Variants in KRT73 observed in about 807,000 individuals in gnomAD.
KRT73 encodes keratin 73, also known as keratin, type II cytoskeletal 73.
KRT73 carries 44 observed loss-of-function variants against 47.2 expected under a neutral mutation model. The observed-to-expected ratio is 0.93, with a 90% confidence interval of 0.73 to 1.20. The LOEUF (loss-of-function observed/expected upper bound fraction) is 1.20, where lower values mean the gene tolerates loss of function less well. Among genes scored for constraint, KRT73 ranks in the 50% most tolerant of loss-of-function variants. The pLI is 0.00. For missense variants in KRT73, 713 were observed against 704.5 expected, an observed-to-expected ratio of 1.01 and a Z score of -0.14; for synonymous variants, 285 against 291.3, an observed-to-expected ratio of 0.98 and a Z score of 0.22.
At chr12:52,624,676 G>T in the KRT73 span, among the ~76,000 whole-genome samples, 2 of 152,080 alleles carry the variant, frequency 1.3e-5, no homozygotes, top group East Asian at 3.8e-4. Context: ...TGAAGAGGAA[G>T]TCTCAAAAGA....
chr12:52,618,368 C>CT lies in KRT73; in HGVS notation c.156_157insA (p.Gly53ArgfsTer72). 6.2e-7 allele frequency: 1 copy of CT among 1,614,214 alleles called. No individual in the cohort carries two copies. The highest frequency in any genetic ancestry group is 8.5e-7 in the Non-Finnish European group (1 of 1,180,050). ...ACATTGAAAGAGATGCTCCGGGCAC[C>CT]CCCCAGGCTGTAAAGGCTCCGACTG... On this transcript the variant is annotated frameshift_variant, in exon 1 of 9. Transcript: ENST00000305748. LOFTEE classifies it high-confidence loss of function.
intron 2 of KRT73, among the ~76,000 whole-genome samples, chr12:52,615,835 A>G (rs141691998): frequency 9.9e-5 from 15 of 152,140 alleles, no homozygotes; most frequent in African/African-American, 3.4e-4. Flanking sequence ...TGTGGCAGAG[A>G]GCAGCGGGTG....
chr12:52,630,518 T>C, the KRT73 span, among the ~76,000 whole-genome samples: 1 of 152,284 alleles, frequency 6.6e-6, no homozygotes, highest in Admixed American at 6.5e-5. Context: ...AGTGAGTGGA[T>C]CACGAGAGAC....
At chr12:52,619,877 T>A (rs637276), upstream of KRT73, among the ~76,000 whole-genome samples, 10,405 of 152,162 alleles carry the variant, frequency 0.068, 816 homozygotes, top group Admixed American at 0.16. Context: ...AGTACTTGAA[T>A]GAACAGTTGG....
chr12:52,616,407 G>C, intron 1 of KRT73, 27 bp from the exon 2 acceptor site: 1 of 1,612,798 alleles, frequency 6.2e-7, no homozygotes, highest in Non-Finnish European at 8.5e-7. Flanking sequence ...ACATACTTAA[G>C]CAATGTGGAG....
At chr12:52,610,553 A>ACCCCCCCCCCCCC in intron 7 of KRT73, 62 bp downstream of exon 7, 1 of 181,982 alleles carries the variant, frequency 5.5e-6, no homozygotes, top group South Asian at 3.9e-5. Context: ...GCCCCCAACC[A>ACCCCCCCCCCCCC]CACTCTGGGA....
intron 7 of KRT73, 107 bp downstream of exon 7, chr12:52,610,508 T>A: frequency 9.6e-7 from 1 of 1,039,434 alleles, no homozygotes; most frequent in South Asian, 1.4e-5. Context: ...GTGGGTGAAG[T>A]AAACACATCG....
At chr12:52,625,177 C>T in the KRT73 span, among the ~76,000 whole-genome samples, 1 of 152,062 alleles carries the variant, frequency 6.6e-6, no homozygotes, top group Non-Finnish European at 1.5e-5. Context: ...CTTTGTACTG[C>T]AAAAGACCTT....
At position 52,614,591 on chromosome 12, in the gene KRT73, A is replaced by T; in HGVS notation, c.807T>A (p.Cys269Ter). 1 of 1,613,830 alleles carries T rather than the reference A, an allele frequency of 6.2e-7. No individual in the cohort carries two copies. Among genetic ancestry groups the T allele is most frequent in the South Asian group, 1.1e-5 (1 of 91,048 alleles). ...GGGGGAGCCTTACCCCCTCGTACAGACACTTGAAGAACTTGATTTCTCCAT... is the reference window on the plus strand; with the variant it reads ...GGGGGAGCCTTACCCCCTCGTACAGTCACTTGAAGAACTTGATTTCTCCAT... The part of the protein sequence containing the change: ...ALDGEIKFFK[C>*]LYEGETAQIQ... Residue 269 changes from cysteine to a stop codon, truncating the protein, a stop_gained, in exon 4 of 9, where the codon TGT becomes TGA. Transcript: ENST00000305748. LOFTEE classifies it high-confidence loss of function.
At chr12:52,629,437 G>A in the KRT73 span, among the ~76,000 whole-genome samples, 1 of 152,182 alleles carries the variant, frequency 6.6e-6, no homozygotes, top group Non-Finnish European at 1.5e-5. Flanking sequence ...GTTTCTACAC[G>A]GAAGAGGAAC....
intron 7 of KRT73, among the ~76,000 whole-genome samples, chr12:52,609,637 C>T (rs1407661878): frequency 9.2e-5 from 14 of 152,172 alleles, no homozygotes; most frequent in South Asian, 4.1e-4. Flanking sequence ...TACTAATGAA[C>T]GAACTGTATG....
the KRT73 span, among the ~76,000 whole-genome samples, chr12:52,628,468 T>C: frequency 6.6e-6 from 1 of 152,190 alleles, no homozygotes; most frequent in Non-Finnish European, 1.5e-5. Flanking sequence ...TGCCTTAGAA[T>C]AGGTCATAGG....
At position 52,613,673 on chromosome 12, in the gene KRT73, GT is replaced by G; in HGVS notation, c.984+14del. On this transcript the variant is annotated intron_variant, in intron 5 of 8. Transcript: ENST00000305748. The stretch of plus-strand genomic sequence containing the variant: ...GGCCCTGCATACTTCACTATGGGGA[GT>G]TTTGCGGCCTCACCTTGGTCTGGTA... 6.2e-7 allele frequency: 1 copy of G among 1,613,906 alleles called. No homozygotes were observed. Among genetic ancestry groups the G allele is most frequent in the Non-Finnish European group, 8.5e-7 (1 of 1,179,856 alleles).
At chr12:52,608,584 A>G (rs906585080) in intron 8 of KRT73, 132 bp from the exon 9 acceptor site, 1 of 800,684 alleles carries the variant, frequency 1.2e-6, no homozygotes, top group African/African-American at 1.8e-5. Flanking sequence ...TCAACCATGA[A>G]CTTGGGTTCA....
the KRT73 span, among the ~76,000 whole-genome samples, chr12:52,628,860 T>C: frequency 1.3e-3 from 201 of 152,202 alleles, no homozygotes; most frequent in Non-Finnish European, 2.3e-3. Context: ...AAGGTGGGGG[T>C]AGAGCCAGAG....
chr12:52,622,842 T>C (rs1254113261), upstream of KRT73, among the ~76,000 whole-genome samples: 1 of 152,048 alleles, frequency 6.6e-6, no homozygotes, highest in Non-Finnish European at 1.5e-5. Context: ...AAAAACTCAA[T>C]GGATACACGT....
chr12:52,614,762 T>A, intron 3 of KRT73, 88 bp from the exon 4 acceptor site: 3 of 1,033,660 alleles, frequency 2.9e-6, no homozygotes, highest in East Asian at 2.6e-5. Flanking sequence ...GGCCCTGCCC[T>A]AGCTAGCTGC....
At chr12:52,626,199 T>G in the KRT73 span, among the ~76,000 whole-genome samples, 3 of 152,218 alleles carry the variant, frequency 2.0e-5, no homozygotes, top group African/African-American at 7.2e-5. Flanking sequence ...CACACTAATC[T>G]TCAAAATAAC....
intron 1 of KRT73, among the ~76,000 whole-genome samples, chr12:52,617,196 T>C (rs1940832146): frequency 6.6e-6 from 1 of 152,164 alleles, no homozygotes; most frequent in African/African-American, 2.4e-5. Flanking sequence ...TGAAAACTCC[T>C]ACTCATGCCT....
Sources: allele counts gnomAD v4.1 joint callset (sites outside exome capture counted in the v4.1 genomes callset), GRCh38; gene constraint gnomAD v4.1.1; transcripts MANE v1.5; gene names NCBI Gene and HGNC (gene_info 2026-07-23, HGNC 2026-07-21).